The following SHC4 variants were observed in gnomAD, a reference collection of about 807,000 sequenced individuals.
The protein encoded by SHC4 is SHC adaptor protein 4.
A neutral mutation model predicts 69.4 loss-of-function variants in SHC4; 41 were observed. The observed-to-expected ratio is 0.59, with a 90% confidence interval of 0.46 to 0.77. The LOEUF (loss-of-function observed/expected upper bound fraction) is 0.77, where lower values mean the gene tolerates loss of function less well. Ranked by LOEUF, SHC4 falls within the 30% of genes least tolerant of loss-of-function variation. SHC4 has a pLI of 0.00. For synonymous variants in SHC4, 318 were observed against 299.3 expected, an observed-to-expected ratio of 1.06 and a Z score of -0.64; for missense variants, 777 against 783.8, an observed-to-expected ratio of 0.99 and a Z score of 0.10.
At chr15:48,879,645 A>G (rs780410865) in intron 4 of SHC4, 1 of 167,100 alleles carries the variant, frequency 6.0e-6, no homozygotes, top group Non-Finnish European at 1.5e-5. Context: ...CGCTATATCT[A>G]AAAAGACTTT....
intron 10 of SHC4, among the ~76,000 whole-genome samples, chr15:48,840,008 G>C (rs1186560140): frequency 6.6e-6 from 1 of 152,192 alleles, no homozygotes; most frequent in Non-Finnish European, 1.5e-5. Context: ...AATGATGTCT[G>C]CCACTTCTGG....
At position 48,834,770 on chromosome 15, in the gene SHC4, T is replaced by C; in HGVS notation, c.1736A>G (p.Lys579Arg). 6.2e-7 allele frequency: 1 copy of C among 1,613,980 alleles called. No individual in the cohort carries two copies. Among genetic ancestry groups the C allele is most frequent in the East Asian group, 2.2e-5 (1 of 44,880 alleles). The stretch of plus-strand genomic sequence containing the variant: ...CCTCTAATGAGAAGTCAATGATACC[T>C]TGCCTTCAGGATCCACCAGGAGAAG... Reference protein sequence around the residue: ...KHLLLVDPEGKVRTKDHVFDN... With the variant: ...KHLLLVDPEGRVRTKDHVFDN... Residue 579 changes from lysine (K) to arginine (R), a missense_variant and splice_region_variant, in exon 11 of 12, where the codon AAG becomes AGG. By Grantham distance (26) the Lys-to-Arg change is conservative. Transcript: ENST00000332408.
chr15:48,890,637 T>C (rs763317745), intron 3 of SHC4, 111 bp downstream of exon 3: 55 of 1,259,052 alleles, frequency 4.4e-5, no homozygotes, highest in Non-Finnish European at 5.9e-5. Flanking sequence ...CGCCACCTAA[T>C]AAAGGCCAGG....
chr15:48,840,306 A>G (rs1435421036), intron 10 of SHC4, among the ~76,000 whole-genome samples: 1 of 152,200 alleles, frequency 6.6e-6, no homozygotes, highest in Non-Finnish European at 1.5e-5. Context: ...TCAAAACAAA[A>G]ATTAGTACCA....
At chr15:48,877,088 C>A (rs1899818285) in intron 4 of SHC4, 1 of 152,578 alleles carries the variant, frequency 6.6e-6, no homozygotes, top group Non-Finnish European at 1.5e-5. Flanking sequence ...CAAGGCGGAA[C>A]ATCCTGAGAT....
At chr15:48,939,838 A>G (rs1395227836) in intron 1 of SHC4, among the ~76,000 whole-genome samples, 1 of 152,246 alleles carries the variant, frequency 6.6e-6, no homozygotes, top group Non-Finnish European at 1.5e-5. Context: ...TCTGCTTCCC[A>G]GGAGAGTCTT....
chr15:48,907,707 G>A (rs1260831498), intron 2 of SHC4, among the ~76,000 whole-genome samples: 1 of 151,680 alleles, frequency 6.6e-6, no homozygotes, highest in Non-Finnish European at 1.5e-5. Context: ...ATAGTCTCCA[G>A]TCTCATCCAG....
intron 1 of SHC4, among the ~76,000 whole-genome samples, chr15:48,955,839 G>GT (rs1356545949): frequency 1.3e-5 from 2 of 152,200 alleles, no homozygotes; most frequent in Non-Finnish European, 2.9e-5. Flanking sequence ...AGAAAATAGA[G>GT]TGCTGTACAC....
chr15:48,938,854 A>T (rs1361761146), intron 1 of SHC4, among the ~76,000 whole-genome samples: 1 of 152,230 alleles, frequency 6.6e-6, no homozygotes, highest in African/African-American at 2.4e-5. Flanking sequence ...TATGGCATAC[A>T]GTCTAGGAGC....
chr15:48,879,521 G>A (rs1899897799), intron 4 of SHC4: 2 of 167,186 alleles, frequency 1.2e-5, no homozygotes, highest in South Asian at 4.1e-4. Context: ...CATTGCTTAT[G>A]CTGTTATATA....
intron 6 of SHC4, among the ~76,000 whole-genome samples, chr15:48,858,494 G>A (rs1275837815): frequency 2.0e-5 from 3 of 152,202 alleles, no homozygotes; most frequent in African/African-American, 7.2e-5. Flanking sequence ...CTGAGGCACA[G>A]TTACCAGGAA....
At chr15:48,935,900 T>TA (rs1231170283) in intron 1 of SHC4, among the ~76,000 whole-genome samples, 4 of 152,132 alleles carry the variant, frequency 2.6e-5, no homozygotes, top group Non-Finnish European at 5.9e-5. Flanking sequence ...ATAATAGCAT[T>TA]ATATAATAAT....
intron 2 of SHC4, among the ~76,000 whole-genome samples, chr15:48,907,496 C>T (rs2141014790): frequency 6.6e-6 from 1 of 151,876 alleles, no homozygotes; most frequent in Non-Finnish European, 1.5e-5. Context: ...TGTGAGATTT[C>T]AATGCACTCA....
intron 6 of SHC4, among the ~76,000 whole-genome samples, chr15:48,861,119 T>C (rs1011592928): frequency 2.0e-5 from 3 of 152,218 alleles, no homozygotes; most frequent in Non-Finnish European, 4.4e-5. Flanking sequence ...GATTAGCCTA[T>C]TACTACCATA....
At chr15:48,941,751 C>T (rs1355283811) in intron 1 of SHC4, among the ~76,000 whole-genome samples, 2 of 152,140 alleles carry the variant, frequency 1.3e-5, no homozygotes, top group Non-Finnish European at 2.9e-5. Context: ...TGGGAATCTT[C>T]TTTTGGTGTT....
At chr15:48,926,607 C>T (rs374065699) in intron 1 of SHC4, among the ~76,000 whole-genome samples, 6 of 152,058 alleles carry the variant, frequency 3.9e-5, no homozygotes, top group Non-Finnish European at 8.8e-5. Context: ...GGATTACAGG[C>T]GCATGCCACT....
rs958838393 is a variant in SHC4, at chr15:48,963,364, C to G, written c.-349G>C. The G allele has an allele frequency of 3.7e-6, 1 of 270,252 alleles. No individual in the cohort carries two copies. Among genetic ancestry groups the G allele is most frequent in the Non-Finnish European group, 7.0e-6 (1 of 142,994 alleles). 16.7% of individuals were successfully genotyped at this position (270,252 alleles called of 1,614,324 possible). A position where few individuals can be genotyped will look rare whatever the true frequency, so the allele number is the denominator to read the frequency against. ...ACCCGGGCGAGCGCCGGTCGGGGGG[C>G]CCGCTGCATCACTAGCCTTGCAGGA... On this transcript the variant is annotated 5_prime_UTR_variant, in exon 1 of 12. Coordinates refer to ENST00000332408, the MANE Select transcript of SHC4 (RefSeq NM_203349.4).
intron 1 of SHC4, among the ~76,000 whole-genome samples, chr15:48,953,158 A>G (rs1409053127): frequency 6.6e-6 from 1 of 152,214 alleles, no homozygotes; most frequent in Non-Finnish European, 1.5e-5. Flanking sequence ...TAGCAAACTA[A>G]TGCATGAACA....
chr15:48,906,833 A>G (rs115554517), intron 2 of SHC4, among the ~76,000 whole-genome samples: 2,230 of 152,286 alleles, frequency 0.015, 65 homozygotes, highest in African/African-American at 0.051. Context: ...CCAGAAGTAA[A>G]TATGCCTAGG....
Sources: gnomAD v4.1 joint callset for allele counts (sites outside exome capture counted in the v4.1 genomes callset) on GRCh38, gnomAD v4.1.1 for gene constraint, MANE v1.5 for transcripts, NCBI Gene and HGNC (gene_info 2026-07-23, HGNC 2026-07-21) for gene names.